The following TRMT9B variants were observed in gnomAD, a reference collection of about 807,000 sequenced individuals.
The protein encoded by TRMT9B is probable tRNA methyltransferase 9B.
In TRMT9B, 16 loss-of-function variants were observed where a neutral mutation model predicts 11.5. That is an observed-to-expected ratio of 1.39 (90% CI 0.94 to 2.11). The LOEUF is 2.11. TRMT9B is among the 30% of genes most tolerant of loss of function. The pLI, the probability that TRMT9B is intolerant of heterozygous loss-of-function variation, is 0.00. For missense variants in TRMT9B, 941 were observed against 553.8 expected, an observed-to-expected ratio of 1.70 and a Z score of -7.02; for synonymous variants, 274 against 192.4, an observed-to-expected ratio of 1.42 and a Z score of -3.51.
chr8:13,023,695 A>C lies in TRMT9B; in HGVS notation c.*1651A>C, dbSNP rs369103803. 235 of 167,180 alleles carry C rather than the reference A, an allele frequency of 1.4e-3. 1 individual carries two copies. The highest frequency in any genetic ancestry group is 5.0e-3 in the African/African-American group (209 of 41,576). The allele number at this position is 167,180 out of a possible 1,614,324, so 10.4% of individuals were successfully genotyped here. A position where few individuals can be genotyped will look rare whatever the true frequency, so the allele number is the denominator to read the frequency against. The stretch of plus-strand genomic sequence containing the variant: ...TTACTTTATGCTGGATGAAAATCCA[A>C]ATCTTGTTTTATTTTTTCCACTAAA... On this transcript the variant is annotated 3_prime_UTR_variant, in exon 5 of 5. Coordinates refer to ENST00000524591, the MANE Select transcript of TRMT9B (RefSeq NM_020844.3).
At chr8:12,970,277 T>C (rs1803410404) in intron 1 of TRMT9B, 1 of 152,190 alleles carries the variant, frequency 6.6e-6, no homozygotes, top group African/African-American at 2.4e-5. Flanking sequence ...TCCATGAACT[T>C]TTGGTCCTGT....
chr8:12,975,876 G>T (rs757046248), intron 1 of TRMT9B, among the ~76,000 whole-genome samples: 1 of 152,194 alleles, frequency 6.6e-6, no homozygotes. Context: ...ATAAAGAGAT[G>T]AGACACGTAT....
chr8:13,012,037 G>C lies in TRMT9B; in HGVS notation c.155-647G>C, dbSNP rs916727561. On this transcript the variant is annotated intron_variant, in intron 3 of 4. Coordinates refer to ENST00000524591, the MANE Select transcript of TRMT9B (RefSeq NM_020844.3). ...AATGAAATATGAATGTGAGCTTAGA[G>C]GCTACACGTGGTCTCTCGGATACTA... 6 of 985,244 alleles carry C rather than the reference G, an allele frequency of 6.1e-6. No individual in the cohort carries two copies. In the African/African-American group the frequency reaches 7.0e-5, roughly 11 times the overall value. The allele number at this position is 985,244 out of a possible 1,614,324, so 61.0% of individuals were successfully genotyped here.
At chr8:12,954,857 C>T (rs1801095926) in intron 1 of TRMT9B, among the ~76,000 whole-genome samples, 1 of 152,180 alleles carries the variant, frequency 6.6e-6, no homozygotes, top group Non-Finnish European at 1.5e-5. Flanking sequence ...TCAAAGAAGA[C>T]ATTTTAAGAG....
rs904720765 is a variant in TRMT9B, at chr8:13,021,250, C to A, written c.571C>A (p.His191Asn). 3 of 1,614,004 alleles carry A rather than the reference C, an allele frequency of 1.9e-6. No homozygotes were observed. The East Asian group carries it at 6.7e-5, about 36-fold the overall frequency. Residue 191 changes from histidine (H) to asparagine (N), a missense_variant, in exon 5 of 5, where the codon CAT (histidine) becomes AAT (asparagine). Physicochemically the swap from His to Asn is moderately conservative, Grantham distance 68. Transcript: ENST00000524591. ...CGYPERGHPY[H>N]PPCSECSCSV... ...ATACCCAGAAAGAGGCCATCCCTAC[C>A]ATCCTCCTTGCTCTGAGTGTAGCTG... is the stretch of plus-strand genomic sequence containing the variant.
chr8:13,012,452 A>G (rs1042592476), intron 3 of TRMT9B: 1 of 489,262 alleles, frequency 2.0e-6, no homozygotes, highest in Non-Finnish European at 3.0e-6. Context: ...GCACGCGCCT[A>G]TGATCCCACC....
rs147936294 is a variant in TRMT9B, at chr8:12,952,046, C to T, written c.-200+6080C>T. 6.4e-4 allele frequency: 140 copies of T among 218,092 alleles called. 1 individual carries two copies. Among genetic ancestry groups the T allele is most frequent in the Middle Eastern group, 2.9e-3 (6 of 2,070 alleles). The allele number at this position is 218,092 out of a possible 1,614,324, so 13.5% of individuals were successfully genotyped here. ...TCTATTTTTTCCTCTTCCTTTCATC[C>T]TCACACTCTAAAATAGGTCAAGGGG... On this transcript the variant is annotated intron_variant, in intron 1 of 4. Transcript: ENST00000524591.
chr8:12,991,478 T>C (rs1013740614), intron 2 of TRMT9B, among the ~76,000 whole-genome samples: 6 of 152,358 alleles, frequency 3.9e-5, no homozygotes, highest in Middle Eastern at 3.4e-3. Context: ...CACTTTAGAA[T>C]TGTAGTTTAA....
chr8:13,017,917 C>T (rs934813642), intron 4 of TRMT9B, among the ~76,000 whole-genome samples: 3 of 151,818 alleles, frequency 2.0e-5, no homozygotes, highest in Admixed American at 6.6e-5. Flanking sequence ...AGGCACCATC[C>T]GTGGCCAGCT....
At chr8:12,978,684 T>C (rs1804856176) in intron 1 of TRMT9B, among the ~76,000 whole-genome samples, 2 of 152,172 alleles carry the variant, frequency 1.3e-5, no homozygotes, top group Non-Finnish European at 1.5e-5. Context: ...CAGGCCTACT[T>C]GCTACACCTT....
At chr8:12,954,203 C>T (rs1477639803) in intron 1 of TRMT9B, among the ~76,000 whole-genome samples, 2 of 152,122 alleles carry the variant, frequency 1.3e-5, no homozygotes, top group Non-Finnish European at 2.9e-5. Flanking sequence ...TCTCTGACAG[C>T]GAAATCTTAC....
In TRMT9B at chr8:13,021,712, G is replaced by A. The variant is rs1263172365; in HGVS notation, c.1033G>A (p.Gly345Arg). 2 of 1,613,812 alleles carry A rather than the reference G, an allele frequency of 1.2e-6. No homozygotes were observed. The highest frequency in any genetic ancestry group is 2.7e-5 in the African/African-American group (2 of 74,936). Residue 345 changes from glycine to arginine, a missense_variant, in exon 5 of 5, where the codon GGA becomes AGA. Coordinates refer to ENST00000524591, the MANE Select transcript of TRMT9B (RefSeq NM_020844.3). The part of the protein sequence containing the change: ...GDHQGEMRRN[G>R]GGNFLDSTNT... ...CCATCAAGGGGAAATGAGGAGAAAT[G>A]GAGGGGGAAATTTTCTGGATAGCAC...
intron 1 of TRMT9B, among the ~76,000 whole-genome samples, chr8:12,975,458 G>T (rs569175046): frequency 2.0e-5 from 3 of 152,180 alleles, no homozygotes; most frequent in African/African-American, 7.2e-5. Flanking sequence ...GTTTCTAGGG[G>T]AGGTACAGTA....
At chr8:13,008,730 A>ATT (rs200747223) in intron 3 of TRMT9B, among the ~76,000 whole-genome samples, 8 of 151,552 alleles carry the variant, frequency 5.3e-5, no homozygotes, top group African/African-American at 1.7e-4. Flanking sequence ...AATCTAGATA[A>ATT]TTTTTTTTTC....
intron 1 of TRMT9B, among the ~76,000 whole-genome samples, chr8:12,974,002 T>C (rs548772057): frequency 3.7e-4 from 57 of 152,038 alleles, no homozygotes; most frequent in Non-Finnish European, 7.1e-4. Context: ...TCCAAAAATA[T>C]ATTAAAATTT....
In TRMT9B at chr8:13,021,172, T is replaced by C. The variant is rs943095782; in HGVS notation, c.493T>C (p.Cys165Arg). 1 of 1,613,850 alleles carries C rather than the reference T, an allele frequency of 6.2e-7. No individual in the cohort carries two copies. The highest frequency in any genetic ancestry group is 1.1e-5 in the South Asian group (1 of 91,040). The change falls in exon 5 of 5, where the codon TGT (cysteine) becomes CGT (arginine). Residue 165 changes from cysteine (C) to arginine (R), a missense_variant. Physicochemically the swap from Cys to Arg is radical, Grantham distance 180 (BLOSUM62 -3). Transcript: ENST00000524591. ...GCTTGTTCCATGGAACAGGGCTCTG[T>C]GTTCCCAGCTCTTCTCAGAGTCCAG... ...DVLVPWNRAL[C>R]SQLFSESSQS... is the part of the protein sequence containing the mutation.
intron 1 of TRMT9B, among the ~76,000 whole-genome samples, chr8:12,985,282 C>G (rs1019414355): frequency 2.6e-5 from 4 of 152,160 alleles, no homozygotes; most frequent in Non-Finnish European, 4.4e-5. Flanking sequence ...TTTTGAAGCT[C>G]TGAATTTGTT....
At chr8:13,010,526 T>A (rs1811394960) in intron 3 of TRMT9B, 1 of 984,284 alleles carries the variant, frequency 1.0e-6, no homozygotes, top group Middle Eastern at 5.2e-4. Flanking sequence ...ATTGTTCACA[T>A]TCAAGATTTA....
chr8:12,961,351 A>T (rs576711436), intron 1 of TRMT9B, among the ~76,000 whole-genome samples: 4 of 152,244 alleles, frequency 2.6e-5, no homozygotes, highest in African/African-American at 9.6e-5. Context: ...TAAAAAAATC[A>T]TATTTTTTTT....
Sources: allele counts gnomAD v4.1 joint callset (sites outside exome capture counted in the v4.1 genomes callset), GRCh38; gene constraint gnomAD v4.1.1; transcripts MANE v1.5; gene names NCBI Gene and HGNC (gene_info 2026-07-23, HGNC 2026-07-21).